Variants in ITIH5 observed in about 807,000 individuals in gnomAD.
ITIH5 encodes inter-alpha-trypsin inhibitor heavy chain 5.
A neutral mutation model predicts 77.5 loss-of-function variants in ITIH5; 65 were observed. The ratio of observed to expected loss-of-function variants is 0.84; its 90% CI spans 0.69 to 1.03. ITIH5 has a LOEUF of 1.03. ITIH5 is among the 50% of genes least tolerant of loss of function. The pLI is 0.00. For synonymous variants in ITIH5, 525 were observed against 494.3 expected (o/e 1.06, Z -0.82); for missense variants, 1,208 against 1,213.1 (o/e 1.00, Z 0.06).
At chr10:7,656,665 GT>G (rs751669350) in intron 1 of ITIH5, among the ~76,000 whole-genome samples, 7 of 151,922 alleles carry the variant, frequency 4.6e-5, no homozygotes, top group African/African-American at 1.2e-4. Context: ...GGAGTAATAA[GT>G]TTTCCTTCCT....
intron 2 of ITIH5, among the ~76,000 whole-genome samples, chr10:7,649,764 GAGA>G (rs774248402): frequency 6.6e-6 from 1 of 152,170 alleles, no homozygotes; most frequent in Non-Finnish European, 1.5e-5. Context: ...AGCATGCTGT[GAGA>G]AGAATATTGG....
intron 2 of ITIH5, among the ~76,000 whole-genome samples, chr10:7,647,596 A>G (rs1189573177): frequency 6.6e-6 from 1 of 152,142 alleles, no homozygotes; most frequent in Non-Finnish European, 1.5e-5. Context: ...ACACCTGTCT[A>G]GTCTCTGTAG....
At chr10:7,584,034 G>C (rs142313415) in intron 8 of ITIH5, among the ~76,000 whole-genome samples, 1 of 152,306 alleles carries the variant, frequency 6.6e-6, no homozygotes, top group African/African-American at 2.4e-5. Context: ...CTCCATCCTG[G>C]TAACGATTCC....
chr10:7,566,822 AAGAGGAAGAGGAAGAGGAAGAG>A, intron 12 of ITIH5, among the ~76,000 whole-genome samples: 1 of 88,290 alleles, frequency 1.1e-5, no homozygotes, highest in African/African-American at 5.9e-5. Flanking sequence ...GAGGAAGAGG[AAGAGGAAGAGGAAGAGGAAGAG>A]GAAGAAGAAG....
chr10:7,643,768 A>ATTC (rs1185312477), intron 2 of ITIH5, among the ~76,000 whole-genome samples: 1 of 152,214 alleles, frequency 6.6e-6, no homozygotes, highest in Admixed American at 6.5e-5. Flanking sequence ...TCAAAGACAT[A>ATTC]TTCCTGCTGT....
chr10:7,572,419 A>C, intron 11 of ITIH5: 1 of 1,360,816 alleles, frequency 7.3e-7, no homozygotes, highest in Non-Finnish European at 9.8e-7. Flanking sequence ...TGAAAACAAA[A>C]ACAAAGCCTG....
chr10:7,631,053 A>AT (rs1253372793), intron 5 of ITIH5, among the ~76,000 whole-genome samples: 1 of 149,326 alleles, frequency 6.7e-6, no homozygotes, highest in African/African-American at 2.5e-5. Context: ...AAAAAAAAAA[A>AT]GAGTTTAGAA....
At chr10:7,607,212 C>A (rs1173819858) in intron 7 of ITIH5, among the ~76,000 whole-genome samples, 1 of 152,176 alleles carries the variant, frequency 6.6e-6, no homozygotes, top group Non-Finnish European at 1.5e-5. Context: ...GCTCAGGGGC[C>A]CTGCTGCTGC....
At chr10:7,570,892 G>T (rs1296258576) in intron 11 of ITIH5, among the ~76,000 whole-genome samples, 1 of 152,204 alleles carries the variant, frequency 6.6e-6, no homozygotes, top group African/African-American at 2.4e-5. Flanking sequence ...AAAGTGCTGG[G>T]ATTTCAGGCG....
At chr10:7,595,435 C>A (rs955443904) in intron 7 of ITIH5, among the ~76,000 whole-genome samples, 1 of 152,036 alleles carries the variant, frequency 6.6e-6, no homozygotes, top group African/African-American at 2.4e-5. Context: ...TCTAGAGTCA[C>A]AAAGGATAGA....
intron 7 of ITIH5, among the ~76,000 whole-genome samples, chr10:7,588,616 C>T (rs116436662): frequency 0.016 from 2,428 of 152,320 alleles, 72 homozygotes; most frequent in African/African-American, 0.055. Flanking sequence ...ACTTTCTCCC[C>T]GTGAGTTTTT....
chr10:7,571,847 C>T (rs1832305911), intron 11 of ITIH5: 2 of 435,566 alleles, frequency 4.6e-6, no homozygotes, highest in South Asian at 1.9e-4. Context: ...ACATTCAATA[C>T]AGATGCAATT....
intron 7 of ITIH5, among the ~76,000 whole-genome samples, chr10:7,601,142 A>G (rs1294056708): frequency 1.3e-5 from 2 of 152,156 alleles, no homozygotes; most frequent in Non-Finnish European, 2.9e-5. Context: ...TTACTTATCC[A>G]TCTTTCTTGA....
At chr10:7,570,014 C>G (rs1449085289) in intron 11 of ITIH5, 1 of 437,956 alleles carries the variant, frequency 2.3e-6, no homozygotes, top group African/African-American at 2.0e-5. Flanking sequence ...CTTCTAAATT[C>G]CAATATAATG....
At chr10:7,563,960 C>A (rs1208174926) in intron 13 of ITIH5, among the ~76,000 whole-genome samples, 1 of 152,284 alleles carries the variant, frequency 6.6e-6, no homozygotes. Flanking sequence ...ATCCTGCCTA[C>A]TAAACTGAAC....
At chr10:7,619,351 G>C (rs145669167) in intron 5 of ITIH5, 4 of 152,966 alleles carry the variant, frequency 2.6e-5, no homozygotes, top group African/African-American at 7.2e-5. Flanking sequence ...GTGAGACTTT[G>C]AGCAAGTTAC....
chr10:7,652,169 G>A (rs183111929), intron 2 of ITIH5, among the ~76,000 whole-genome samples: 1 of 152,014 alleles, frequency 6.6e-6, no homozygotes, highest in Admixed American at 6.6e-5. Flanking sequence ...TGTATGCCAG[G>A]GAGCTTCATA....
At chr10:7,573,037 C>G (rs1832335424) in intron 11 of ITIH5, 105 bp downstream of exon 11, 1 of 1,104,038 alleles carries the variant, frequency 9.1e-7, no homozygotes, top group Non-Finnish European at 1.4e-6. Flanking sequence ...CTCGGCCTCC[C>G]AAAGTGCTGG....
At chr10:7,575,015 C>A (rs997712784) in intron 10 of ITIH5, among the ~76,000 whole-genome samples, 7 of 152,144 alleles carry the variant, frequency 4.6e-5, no homozygotes, top group Non-Finnish European at 7.4e-5. Flanking sequence ...TAGCATCCTG[C>A]CACATGCTTT....
Sources: gnomAD v4.1 joint callset for allele counts (sites outside exome capture counted in the v4.1 genomes callset) on GRCh38, gnomAD v4.1.1 for gene constraint, MANE v1.5 for transcripts, NCBI Gene and HGNC (gene_info 2026-07-23, HGNC 2026-07-21) for gene names.